Variants in PRKG1 observed in about 807,000 individuals in gnomAD.
The protein encoded by PRKG1 is cGMP-dependent protein kinase 1.
In PRKG1, 35 loss-of-function variants were observed where a neutral mutation model predicts 88.1. That is an observed-to-expected ratio of 0.40 (90% CI 0.30 to 0.53). PRKG1 has a LOEUF of 0.53. Among genes scored for constraint, PRKG1 ranks in the 20% least tolerant of loss-of-function variants. PRKG1 has a pLI of 0.59. For missense variants in PRKG1, 540 were observed against 839.8 expected (o/e 0.64, Z 4.41); for synonymous variants, 303 against 292.5 (o/e 1.04, Z -0.37).
chr10:51,871,372 G>A (rs866392486), intron 4 of PRKG1, among the ~76,000 whole-genome samples: 2 of 152,144 alleles, frequency 1.3e-5, no homozygotes, highest in African/African-American at 4.8e-5. Flanking sequence ...GTGATCCCAC[G>A]TCTTCTTGCT....
chr10:52,293,373 G>A (rs1335946960), intron 17 of PRKG1, among the ~76,000 whole-genome samples: 1 of 151,370 alleles, frequency 6.6e-6, no homozygotes, highest in Non-Finnish European at 1.5e-5. Context: ...TCCCCATCAA[G>A]CTACCAATGA....
intron 5 of PRKG1, among the ~76,000 whole-genome samples, chr10:51,980,540 A>G (rs1038031331): frequency 1.3e-5 from 2 of 152,022 alleles, no homozygotes; most frequent in African/African-American, 4.8e-5. Context: ...ATCTTTGTTA[A>G]TTTTTTGCCT....
At chr10:51,870,742 G>C (rs1037009411) in intron 4 of PRKG1, among the ~76,000 whole-genome samples, 3 of 152,002 alleles carry the variant, frequency 2.0e-5, no homozygotes, top group Non-Finnish European at 2.9e-5. Flanking sequence ...TGGCTTTCAG[G>C]CTCTTCCATG....
chr10:51,467,526 T>C lies in PRKG1; in HGVS notation c.479-197T>C, dbSNP rs544043034. Among the ~76,000 whole-genome samples, 761 of 152,136 alleles carry C rather than the reference T, an allele frequency of 5.0e-3. 6 individuals are homozygous for C. The highest frequency in any genetic ancestry group is 0.017 in the African/African-American group (725 of 41,562). On this transcript the variant is annotated intron_variant, in intron 2 of 17. Transcript: ENST00000373980. ...TGGATCTCATATCAAATCTTTTCAG[T>C]AGTAAATTTAAGAAAATATGTACTT...
intron 2 of PRKG1, among the ~76,000 whole-genome samples, chr10:51,373,588 G>A (rs983510038): frequency 3.3e-5 from 5 of 151,986 alleles, no homozygotes; most frequent in East Asian, 1.9e-4. Flanking sequence ...GATGCTCTCC[G>A]CCACCCCCTA....
chr10:51,304,447 A>G (rs987913758), intron 2 of PRKG1, among the ~76,000 whole-genome samples: 1 of 152,102 alleles, frequency 6.6e-6, no homozygotes, highest in African/African-American at 2.4e-5. Context: ...GGACTTTCTG[A>G]TAAGACCCAG....
chr10:51,278,502 T>C (rs534220594), intron 2 of PRKG1, among the ~76,000 whole-genome samples: 2 of 152,324 alleles, frequency 1.3e-5, no homozygotes, highest in South Asian at 2.1e-4. Context: ...TCTTTTTCTA[T>C]TGATTAGAAT....
intron 3 of PRKG1, among the ~76,000 whole-genome samples, chr10:51,802,106 A>G (rs1016735233): frequency 3.3e-5 from 5 of 152,168 alleles, no homozygotes; most frequent in African/African-American, 1.2e-4. Flanking sequence ...TAAGGAAGCA[A>G]TAGATTTACA....
chr10:51,446,996 T>C (rs293255), intron 2 of PRKG1, among the ~76,000 whole-genome samples: 64,587 of 151,836 alleles, frequency 0.43, 16,154 homozygotes, highest in African/African-American at 0.69. Flanking sequence ...AGCCTCTTTC[T>C]AGAACTCTTG....
At chr10:52,087,288 A>C (rs1846941161) in intron 7 of PRKG1, among the ~76,000 whole-genome samples, 1 of 152,184 alleles carries the variant, frequency 6.6e-6, no homozygotes, top group Non-Finnish European at 1.5e-5. Context: ...TTTAATTGTG[A>C]ATGAAATTGA....
chr10:51,028,120 A>G (rs776823105), intron 1 of PRKG1, among the ~76,000 whole-genome samples: 2 of 152,144 alleles, frequency 1.3e-5, no homozygotes, highest in Non-Finnish European at 2.9e-5. Flanking sequence ...AAACTGATGA[A>G]TATTTGAGAA....
chr10:52,120,357 A>G (rs758607434), intron 7 of PRKG1, among the ~76,000 whole-genome samples: 9 of 152,204 alleles, frequency 5.9e-5, no homozygotes, highest in South Asian at 4.2e-4. Context: ...TTCCATCCCA[A>G]TAGCCCCCAA....
chr10:51,171,960 C>T (rs1370951023), intron 2 of PRKG1, among the ~76,000 whole-genome samples: 1 of 151,800 alleles, frequency 6.6e-6, no homozygotes, highest in East Asian at 1.9e-4. Flanking sequence ...ATATTTTAGG[C>T]TATATTTTAA....
chr10:52,156,485 G>A lies in PRKG1; in HGVS notation c.1002-5404G>A, dbSNP rs939313055. On this transcript the variant is annotated intron_variant, in intron 8 of 17. Transcript: ENST00000373980. ...TAGTAGGTATTGTATATGTACATATGTGTGAGTTTGGTTGAATGGATGGAC... is the reference window on the plus strand; with the variant it reads ...TAGTAGGTATTGTATATGTACATATATGTGAGTTTGGTTGAATGGATGGAC... Among the ~76,000 whole-genome samples the A allele has an allele frequency of 4.6e-5, 7 of 151,940 alleles. No individual in the cohort carries two copies. The East Asian group carries it at 1.2e-3, about 25-fold the overall frequency.
At chr10:52,216,852 T>C (rs983790353) in intron 9 of PRKG1, among the ~76,000 whole-genome samples, 1 of 152,238 alleles carries the variant, frequency 6.6e-6, no homozygotes, top group Non-Finnish European at 1.5e-5. Flanking sequence ...ATAATACTTC[T>C]GAAAACTTTT....
intron 3 of PRKG1, among the ~76,000 whole-genome samples, chr10:51,477,954 G>T (rs756251877): frequency 1.2e-4 from 18 of 152,040 alleles, no homozygotes; most frequent in Non-Finnish European, 2.4e-4. Flanking sequence ...TACAGGTAAG[G>T]ATATAGTGGC....
At chr10:51,141,827 G>C (rs1845827743) in intron 1 of PRKG1, among the ~76,000 whole-genome samples, 1 of 152,008 alleles carries the variant, frequency 6.6e-6, no homozygotes, top group African/African-American at 2.4e-5. Context: ...CATTTCTACT[G>C]TAAAGTACTT....
intron 1 of PRKG1, among the ~76,000 whole-genome samples, chr10:51,045,841 ATAGAC>A (rs1019899609): frequency 1.3e-5 from 2 of 152,238 alleles, no homozygotes; most frequent in African/African-American, 4.8e-5. Context: ...TAATTTCCTC[ATAGAC>A]TAATTTATTT....
At chr10:52,199,305 T>C (rs1159937774) in intron 9 of PRKG1, among the ~76,000 whole-genome samples, 1 of 152,134 alleles carries the variant, frequency 6.6e-6, no homozygotes, top group Non-Finnish European at 1.5e-5. Flanking sequence ...ATTCTCCTTG[T>C]TCTCTTGGAG....
Sources: allele counts gnomAD v4.1 joint callset (sites outside exome capture counted in the v4.1 genomes callset), GRCh38; gene constraint gnomAD v4.1.1; transcripts MANE v1.5; gene names NCBI Gene and HGNC (gene_info 2026-07-23, HGNC 2026-07-21).